Variants in EFR3A observed in about 807,000 individuals in gnomAD.
EFR3A encodes the protein EFR3 homolog A.
Under a neutral mutation model 104.4 loss-of-function variants are expected in EFR3A, and 76 were observed. That is an observed-to-expected ratio of 0.73 (90% confidence interval 0.60 to 0.88). The LOEUF is 0.88. EFR3A is among the 40% of genes least tolerant of loss of function. The pLI, the probability that EFR3A is intolerant of heterozygous loss-of-function variation, is 0.00. For synonymous variants in EFR3A, 330 were observed against 330.0 expected (o/e 1.00, Z 0.00); for missense variants, 985 against 1,012.5 (o/e 0.97, Z 0.37).
At chr8:131,930,504 G>A (rs4644223) in intron 1 of EFR3A, among the ~76,000 whole-genome samples, 60,510 of 145,484 alleles carry the variant, frequency 0.42, 13,072 homozygotes, top group Middle Eastern at 0.57. Flanking sequence ...GTCTGGTCAT[G>A]TTTTAGAAAA....
intron 1 of EFR3A, among the ~76,000 whole-genome samples, chr8:131,911,405 G>A (rs1428020195): frequency 2.0e-5 from 3 of 152,164 alleles, no homozygotes; most frequent in Non-Finnish European, 4.4e-5. Context: ...TATGAAGAGA[G>A]TTAGTTTAAG....
intron 14 of EFR3A, among the ~76,000 whole-genome samples, chr8:131,980,003 C>T (rs947329179): frequency 2.0e-5 from 3 of 152,026 alleles, no homozygotes; most frequent in Admixed American, 1.3e-4. Context: ...ACTTTCTGTG[C>T]GGTTATTATT....
chr8:131,917,294 A>G (rs530747077), intron 1 of EFR3A, among the ~76,000 whole-genome samples: 3 of 152,312 alleles, frequency 2.0e-5, no homozygotes, highest in African/African-American at 7.2e-5. Context: ...TTCCCCTTAT[A>G]CAGCGAATAC....
chr8:131,923,763 T>G (rs971745888), intron 1 of EFR3A, among the ~76,000 whole-genome samples: 3 of 152,076 alleles, frequency 2.0e-5, no homozygotes, highest in South Asian at 2.1e-4. Flanking sequence ...CTGCTTAACC[T>G]TATTTGCCAG....
intron 9 of EFR3A, among the ~76,000 whole-genome samples, chr8:131,969,326 G>T (rs138394748): frequency 6.6e-6 from 1 of 152,184 alleles, no homozygotes; most frequent in African/African-American, 2.4e-5. Context: ...ATCTGCAGGG[G>T]ATTGGTTCGA....
At chr8:132,010,742 A>G (rs914368883) in intron 22 of EFR3A, 48 bp from the exon 23 acceptor site, 7 of 1,592,322 alleles carry the variant, frequency 4.4e-6, no homozygotes, top group Admixed American at 3.4e-5. Flanking sequence ...GGTGAAATGA[A>G]CAGCTTGTAA....
chr8:131,954,038 G>A (rs1487340115), intron 6 of EFR3A, 71 bp downstream of exon 6: 2 of 1,358,884 alleles, frequency 1.5e-6, no homozygotes, highest in Non-Finnish European at 1.9e-6. Context: ...CCTAGGATAA[G>A]AATGTTTTGT....
intron 6 of EFR3A, among the ~76,000 whole-genome samples, chr8:131,955,479 A>G (rs1818930632): frequency 6.6e-6 from 1 of 152,212 alleles, no homozygotes; most frequent in South Asian, 2.1e-4. Context: ...CTATAAATAT[A>G]GAAAAGTTGA....
chr8:131,938,292 A>AT, intron 1 of EFR3A: 1 of 397,850 alleles, frequency 2.5e-6, no homozygotes, highest in Non-Finnish European at 4.4e-6. Flanking sequence ...TCAACAAGGG[A>AT]GTCACCTACA....
chr8:131,997,150 T>G (rs16904568), intron 19 of EFR3A, among the ~76,000 whole-genome samples: 3 of 152,040 alleles, frequency 2.0e-5, no homozygotes, highest in African/African-American at 7.2e-5. Flanking sequence ...CTAGGACTTA[T>G]TCTACACAAA....
intron 10 of EFR3A, 133 bp from the exon 11 acceptor site, chr8:131,975,894 A>T: frequency 1.6e-6 from 1 of 613,784 alleles, no homozygotes; most frequent in Non-Finnish European, 2.9e-6. Context: ...ATATCCTTTA[A>T]TGTTACATGT....
At chr8:131,904,390 A>G in intron 1 of EFR3A, 68 bp downstream of exon 1, 1 of 1,228,246 alleles carries the variant, frequency 8.1e-7, no homozygotes, top group Non-Finnish European at 1.0e-6. Flanking sequence ...TGGGCCGGGT[A>G]CTCCTCCCGG....
At position 131,950,024 on chromosome 8, in the gene EFR3A, A is replaced by C. The variant is rs1818621076; in HGVS notation, c.422A>C (p.Asp141Ala). 6.2e-7 allele frequency: 1 copy of C among 1,608,444 alleles called. No individual in the cohort carries two copies. Among genetic ancestry groups the C allele is most frequent in the Non-Finnish European group, 8.5e-7 (1 of 1,177,870 alleles). Residue 141 changes from aspartate (D) to alanine (A), a missense_variant, in exon 5 of 23, where the codon GAC becomes GCC. Asp to Ala is a moderately radical substitution (Grantham distance 126). Transcript: ENST00000254624. ...ACACCATCCTATCACAGACGTTATG[A>C]CTTTTTTGTGTCTCGATTCAGTGCC... ...EDTPSYHRRY[D>A]FFVSRFSAMC...
At chr8:131,942,940 C>T (rs1818234911) in intron 2 of EFR3A, among the ~76,000 whole-genome samples, 1 of 152,094 alleles carries the variant, frequency 6.6e-6, no homozygotes, top group South Asian at 2.1e-4. Context: ...TGATAAAAAG[C>T]AGAGCAGTGG....
intron 14 of EFR3A, among the ~76,000 whole-genome samples, chr8:131,982,565 G>A (rs1820670215): frequency 6.6e-6 from 1 of 152,004 alleles, no homozygotes; most frequent in African/African-American, 2.4e-5. Context: ...ATACCAATTT[G>A]TAAAGTTATT....
rs536114379 is a variant in EFR3A at position 131,946,503 on chromosome 8, A to T, written c.236A>T (p.Glu79Val). The change falls in exon 4 of 23, where the codon GAG becomes GTG. Residue 79 changes from glutamate to valine, a missense_variant. Transcript: ENST00000254624. ...TGTAGGTATGTTTTGATTGCTATGG[A>T]GGCACTGGACCAACTTCTCATGGCT... ...HRSGYVLIAM[E>V]ALDQLLMACH... 1 of 1,601,004 alleles carries T rather than the reference A, an allele frequency of 6.2e-7. No individual in the cohort carries two copies. The highest frequency in any genetic ancestry group is 1.3e-5 in the African/African-American group (1 of 74,144).
intron 1 of EFR3A, among the ~76,000 whole-genome samples, chr8:131,923,414 T>C (rs761990932): frequency 2.6e-5 from 4 of 152,094 alleles, no homozygotes; most frequent in Non-Finnish European, 5.9e-5. Context: ...TATAATAAAA[T>C]GTTTTGTACT....
chr8:131,995,029 T>C (rs146608251), intron 18 of EFR3A, among the ~76,000 whole-genome samples: 76 of 152,230 alleles, frequency 5.0e-4, no homozygotes, highest in Admixed American at 1.7e-3. Flanking sequence ...AAGGAAAAAT[T>C]GGAACTATGT....
At chr8:131,979,312 T>C in intron 13 of EFR3A, 34 bp from the exon 14 acceptor site, 1 of 1,394,340 alleles carries the variant, frequency 7.2e-7, no homozygotes, top group Non-Finnish European at 9.9e-7. Flanking sequence ...ATAAGTGTGC[T>C]ATTCATTAAA....
Sources: allele counts gnomAD v4.1 joint callset (sites outside exome capture counted in the v4.1 genomes callset), GRCh38; gene constraint gnomAD v4.1.1; transcripts MANE v1.5; gene names NCBI Gene and HGNC (gene_info 2026-07-23, HGNC 2026-07-21).